AK7: variants seen among roughly 807,000 people sequenced by gnomAD.
AK7 encodes adenylate kinase 7, also known as ATP-AMP transphosphorylase 7.
A neutral mutation model predicts 96.6 loss-of-function variants in AK7; 78 were observed. That is an observed-to-expected ratio of 0.81 (90% CI 0.67 to 0.97). The LOEUF (loss-of-function observed/expected upper bound fraction) is 0.97, where lower values mean the gene tolerates loss of function less well. Among genes scored for constraint, AK7 ranks in the 50% least tolerant of loss-of-function variants. The pLI, the probability that AK7 is intolerant of heterozygous loss-of-function variation, is 0.00. For synonymous variants in AK7, 302 were observed against 317.2 expected (o/e 0.95, Z 0.51); for missense variants, 855 against 887.9 (o/e 0.96, Z 0.47).
chr14:96,404,190 C>T (rs79282552), intron 2 of AK7, among the ~76,000 whole-genome samples: 8,905 of 145,646 alleles, frequency 0.061, 356 homozygotes, highest in African/African-American at 0.11. Context: ...AAATGATCAG[C>T]AAAGCAGCAA....
chr14:96,442,544 A>C (rs113115430), intron 6 of AK7, among the ~76,000 whole-genome samples, 186 bp from the exon 7 acceptor site: 2 of 152,024 alleles, frequency 1.3e-5, no homozygotes, highest in East Asian at 3.9e-4. Flanking sequence ...AGGGCTACAC[A>C]CTATTTCTCT....
intron 4 of AK7, among the ~76,000 whole-genome samples, chr14:96,418,588 G>A (rs544564288): frequency 2.6e-5 from 4 of 151,936 alleles, no homozygotes; most frequent in South Asian, 2.1e-4. Context: ...GTGCAGTCTC[G>A]GCTCACTGCA....
At chr14:96,484,976 C>T (rs954754246) in intron 16 of AK7, among the ~76,000 whole-genome samples, 4 of 152,210 alleles carry the variant, frequency 2.6e-5, no homozygotes, top group African/African-American at 9.6e-5. Context: ...ATGCACACAT[C>T]TTTGGGTGCC....
chr14:96,392,184 C>A lies in AK7; in HGVS notation c.30C>A (p.Leu10=). MAEEEETAA[L]TEKVIRTQRV... is the part of the protein sequence containing the mutation. ...CTGAAGAAGAGGAAACTGCTGCTCT[C>A]ACGGAGAAGGTTATCCGGACCCAGA... The change falls in exon 1 of 18, where the codon CTC becomes CTA. Residue 10 remains leucine, a synonymous_variant. Coordinates refer to ENST00000267584, the MANE Select transcript of AK7 (RefSeq NM_152327.5). 6.2e-7 allele frequency: 1 copy of A among 1,613,650 alleles called. No individual in the cohort carries two copies. Among genetic ancestry groups the A allele is most frequent in the Non-Finnish European group, 8.5e-7 (1 of 1,179,580 alleles).
At chr14:96,438,015 G>T in intron 6 of AK7, 100 bp downstream of exon 6, 1 of 976,582 alleles carries the variant, frequency 1.0e-6, no homozygotes, top group South Asian at 1.7e-5. Context: ...GGTTAGTGCA[G>T]TAGAATAGCA....
At chr14:96,457,585 C>A (rs902405967) in intron 11 of AK7, among the ~76,000 whole-genome samples, 5 of 152,048 alleles carry the variant, frequency 3.3e-5, no homozygotes, top group Non-Finnish European at 7.4e-5. Flanking sequence ...TAGTCTGCCT[C>A]CAGCTGTGGT....
intron 1 of AK7, among the ~76,000 whole-genome samples, chr14:96,395,660 G>T (rs1025314587): frequency 7.3e-6 from 1 of 137,064 alleles, no homozygotes; most frequent in Non-Finnish European, 1.5e-5. Context: ...AGCTGTGATC[G>T]CATCACTGCA....
At chr14:96,413,457 C>T (rs376856608) in intron 4 of AK7, among the ~76,000 whole-genome samples, 21 of 152,204 alleles carry the variant, frequency 1.4e-4, no homozygotes, top group East Asian at 1.9e-4. Context: ...TAGCTCCCTT[C>T]GGCAGAGTTG....
intron 12 of AK7, among the ~76,000 whole-genome samples, chr14:96,458,859 A>G (rs1361810270): frequency 6.9e-6 from 1 of 145,244 alleles, no homozygotes; most frequent in East Asian, 2.1e-4. Context: ...GTAGTAAGCC[A>G]TGATCATGCC....
At chr14:96,455,484 C>T (rs1893846521) in intron 10 of AK7, among the ~76,000 whole-genome samples, 1 of 152,086 alleles carries the variant, frequency 6.6e-6, no homozygotes, top group Admixed American at 6.6e-5. Flanking sequence ...GCACCTATCT[C>T]AATACAAAAC....
intron 4 of AK7, among the ~76,000 whole-genome samples, chr14:96,411,733 A>G (rs1050006088): frequency 2.0e-5 from 3 of 152,208 alleles, no homozygotes; most frequent in African/African-American, 7.2e-5. Flanking sequence ...ACGCAAAACA[A>G]ACAAGTTTGT....
chr14:96,450,664 A>G (rs1893544378), intron 9 of AK7, among the ~76,000 whole-genome samples: 1 of 151,938 alleles, frequency 6.6e-6, no homozygotes, highest in Non-Finnish European at 1.5e-5. Context: ...AATTGCATCT[A>G]AACACTGCAC....
intron 7 of AK7, 66 bp downstream of exon 7, chr14:96,442,884 C>A: frequency 6.9e-7 from 1 of 1,447,310 alleles, no homozygotes; most frequent in Non-Finnish European, 9.7e-7. Context: ...TAGCCTAATA[C>A]TTTTTGAGCA....
chr14:96,418,433 C>T (rs539250937), intron 4 of AK7, among the ~76,000 whole-genome samples: 21 of 150,576 alleles, frequency 1.4e-4, no homozygotes, highest in African/African-American at 4.1e-4. Context: ...TCTCACCTAC[C>T]GCATCCCCTA....
chr14:96,443,440 C>A (rs1019349504), intron 7 of AK7, among the ~76,000 whole-genome samples: 2 of 152,110 alleles, frequency 1.3e-5, no homozygotes, highest in African/African-American at 4.8e-5. Flanking sequence ...CAGAAAGGAG[C>A]AATTTCTGCA....
chr14:96,437,062 G>A (rs1892677239), intron 5 of AK7, among the ~76,000 whole-genome samples: 1 of 120,736 alleles, frequency 8.3e-6, no homozygotes, highest in Non-Finnish European at 1.7e-5. Flanking sequence ...AGGCTGAGAA[G>A]GGTAGTAGGG....
chr14:96,477,874 A>G (rs1024486665), intron 14 of AK7, among the ~76,000 whole-genome samples: 9 of 152,256 alleles, frequency 5.9e-5, no homozygotes, highest in South Asian at 4.1e-4. Flanking sequence ...AGCCTGTGAT[A>G]ATTGTGCTGG....
intron 1 of AK7, among the ~76,000 whole-genome samples, chr14:96,396,386 T>C (rs1054019459): frequency 6.6e-6 from 1 of 152,232 alleles, no homozygotes; most frequent in African/African-American, 2.4e-5. Context: ...TACAATCCAG[T>C]TGGGCAATGC....
intron 1 of AK7, among the ~76,000 whole-genome samples, chr14:96,394,973 CA>C (rs557138560): frequency 2.0e-4 from 31 of 151,992 alleles, no homozygotes; most frequent in African/African-American, 5.5e-4. Flanking sequence ...AAAAATCTGC[CA>C]AAAAAAGAGA....
Sources: gnomAD v4.1 joint callset for allele counts (sites outside exome capture counted in the v4.1 genomes callset) on GRCh38, gnomAD v4.1.1 for gene constraint, MANE v1.5 for transcripts, NCBI Gene and HGNC (gene_info 2026-07-23, HGNC 2026-07-21) for gene names.